The following LRFN5 variants were observed in gnomAD, a reference collection of about 807,000 sequenced individuals.
The protein encoded by LRFN5 is leucine-rich repeat and fibronectin type-III domain-containing protein 5.
LRFN5 carries 24 observed loss-of-function variants against 45.6 expected under a neutral mutation model. That is an observed-to-expected ratio of 0.53 (90% CI 0.38 to 0.74). The LOEUF (loss-of-function observed/expected upper bound fraction) is 0.74, where lower values mean the gene tolerates loss of function less well. LRFN5 is among the 30% of genes least tolerant of loss of function. LRFN5 has a pLI of 0.00. For missense variants in LRFN5, 776 were observed against 861.5 expected (o/e 0.90, Z 1.24); for synonymous variants, 340 against 313.8 (o/e 1.08, Z -0.88).
intron 1 of LRFN5, among the ~76,000 whole-genome samples, chr14:41,611,342 G>A (rs531676159): frequency 1.1e-4 from 16 of 152,162 alleles, no homozygotes; most frequent in African/African-American, 3.9e-4. Context: ...CCCTTTTCTG[G>A]AAAAATGGAG....
chr14:41,838,353 G>T (rs911540097), intron 2 of LRFN5, among the ~76,000 whole-genome samples: 2 of 152,164 alleles, frequency 1.3e-5, no homozygotes, highest in African/African-American at 4.8e-5. Context: ...TGCTAATGAA[G>T]TAGGACTCCG....
intron 1 of LRFN5, among the ~76,000 whole-genome samples, chr14:41,622,678 A>C (rs1888177407): frequency 6.6e-6 from 1 of 152,130 alleles, no homozygotes; most frequent in South Asian, 2.1e-4. Flanking sequence ...ATAGAAGGGA[A>C]TATGACAATG....
intron 2 of LRFN5, among the ~76,000 whole-genome samples, chr14:41,830,795 G>T (rs1230262260): frequency 1.3e-5 from 2 of 152,138 alleles, no homozygotes; most frequent in African/African-American, 4.8e-5. Context: ...GGGCCTGTTG[G>T]TCAGCAGTGT....
chr14:41,633,935 A>G (rs1311643138), intron 1 of LRFN5, among the ~76,000 whole-genome samples: 2 of 152,058 alleles, frequency 1.3e-5, no homozygotes. Context: ...ACTCAATTGC[A>G]TTTTTCCTAG....
intron 1 of LRFN5, among the ~76,000 whole-genome samples, chr14:41,756,124 C>T (rs1885367351): frequency 6.6e-6 from 1 of 152,192 alleles, no homozygotes; most frequent in Non-Finnish European, 1.5e-5. Flanking sequence ...AGAGTATCTG[C>T]CGAGAGATCA....
intron 2 of LRFN5, among the ~76,000 whole-genome samples, chr14:41,788,414 T>A (rs1043719264): frequency 4.6e-5 from 7 of 152,112 alleles, no homozygotes; most frequent in Non-Finnish European, 7.4e-5. Flanking sequence ...ATCTGGATAT[T>A]TACTCCCAAT....
At chr14:41,674,234 G>A (rs1268341147) in intron 1 of LRFN5, among the ~76,000 whole-genome samples, 2 of 135,806 alleles carry the variant, frequency 1.5e-5, no homozygotes, top group African/African-American at 5.5e-5. Context: ...GGACGGGGCG[G>A]CTGGCCGGGC....
chr14:41,740,284 A>G (rs1422454437), intron 1 of LRFN5, among the ~76,000 whole-genome samples: 1 of 152,094 alleles, frequency 6.6e-6, no homozygotes, highest in African/African-American at 2.4e-5. Context: ...ATATGGAGCA[A>G]AAATCCTCAA....
At chr14:41,858,162 G>T (rs543788910) in intron 2 of LRFN5, among the ~76,000 whole-genome samples, 1 of 152,106 alleles carries the variant, frequency 6.6e-6, no homozygotes. Context: ...AGGAGCAAAA[G>T]GCAAATTAAT....
intron 1 of LRFN5, among the ~76,000 whole-genome samples, chr14:41,739,576 A>G (rs562062620): frequency 6.6e-5 from 10 of 152,234 alleles, no homozygotes; most frequent in Admixed American, 2.0e-4. Context: ...CAATCCTTAG[A>G]GGGAATTTTA....
intron 3 of LRFN5, 57 bp from the exon 4 acceptor site, chr14:41,891,193 T>A: frequency 3.0e-6 from 4 of 1,346,302 alleles, no homozygotes; most frequent in Non-Finnish European, 4.2e-6. Context: ...ATAATGACTT[T>A]CTGTGTATGT....
chr14:41,778,082 T>A (rs1386115096), intron 2 of LRFN5, among the ~76,000 whole-genome samples: 1 of 151,434 alleles, frequency 6.6e-6, no homozygotes, highest in African/African-American at 2.4e-5. Flanking sequence ...TTAATAGTAT[T>A]TTTTCCAGGC....
At chr14:41,902,864 C>A (rs958352782) in intron 5 of LRFN5, among the ~76,000 whole-genome samples, 1 of 151,408 alleles carries the variant, frequency 6.6e-6, no homozygotes, top group Admixed American at 6.6e-5. Flanking sequence ...TGTTGATTTT[C>A]AATTTTACCA....
intron 2 of LRFN5, among the ~76,000 whole-genome samples, chr14:41,844,264 C>T (rs527766229): frequency 4.7e-4 from 71 of 151,938 alleles, no homozygotes; most frequent in East Asian, 4.3e-3. Flanking sequence ...GGTGAAACCC[C>T]GTCTCTACTA....
At chr14:41,765,280 T>G (rs1286691065) in intron 1 of LRFN5, among the ~76,000 whole-genome samples, 1 of 149,068 alleles carries the variant, frequency 6.7e-6, no homozygotes, top group Non-Finnish European at 1.5e-5. Flanking sequence ...AGGCGGAGGT[T>G]GCAGTGAGCC....
chr14:41,768,052 A>T (rs1885950689), intron 2 of LRFN5, among the ~76,000 whole-genome samples: 1 of 152,132 alleles, frequency 6.6e-6, no homozygotes, highest in Non-Finnish European at 1.5e-5. Context: ...TATAGCTGAA[A>T]TTGTCAGTGA....
chr14:41,755,239 G>C lies in LRFN5; in HGVS notation c.-196-11615G>C, dbSNP rs938445778. 6.6e-5 allele frequency among the ~76,000 whole-genome samples: 10 copies of C among 152,212 alleles called. No homozygotes were observed. In the South Asian group the frequency reaches 1.7e-3, roughly 25 times the overall value. Reference sequence around the variant, plus strand: ...TGTGGTGCTGAGAAGAATGTATATTGTGTTGATTTGGGGTGGAGAGTTCTG... The same window carrying C: ...TGTGGTGCTGAGAAGAATGTATATTCTGTTGATTTGGGGTGGAGAGTTCTG... On this transcript the variant is annotated intron_variant, in intron 1 of 5. Transcript: ENST00000298119.
At chr14:41,718,344 T>C (rs1883574679) in intron 1 of LRFN5, among the ~76,000 whole-genome samples, 1 of 152,184 alleles carries the variant, frequency 6.6e-6, no homozygotes, top group Non-Finnish European at 1.5e-5. Context: ...GTACAAGTGA[T>C]AACTGAGCTT....
chr14:41,892,787 C>T (rs1487128196), intron 4 of LRFN5: 6 of 985,244 alleles, frequency 6.1e-6, no homozygotes, highest in Non-Finnish European at 7.2e-6. Context: ...CAATTTATTT[C>T]GCATTTATGA....
Sources: allele counts gnomAD v4.1 joint callset (sites outside exome capture counted in the v4.1 genomes callset), GRCh38; gene constraint gnomAD v4.1.1; transcripts MANE v1.5; gene names NCBI Gene and HGNC (gene_info 2026-07-23, HGNC 2026-07-21).